Variants in IL1RAPL1 observed in about 807,000 individuals in gnomAD.
IL1RAPL1 encodes interleukin-1 receptor accessory protein-like 1.
A neutral mutation model predicts 48.4 loss-of-function variants in IL1RAPL1; 3 were observed. The observed-to-expected ratio is 0.06, with a 90% CI of 0.03 to 0.16. The LOEUF is 0.16. Ranked by LOEUF, IL1RAPL1 falls within the 10% of genes least tolerant of loss-of-function variation. IL1RAPL1 has a pLI of 1.00. For missense variants in IL1RAPL1, 349 were observed against 530.6 expected (o/e 0.66, Z 3.36); for synonymous variants, 185 against 187.7 (o/e 0.99, Z 0.12).
chrX:29,500,820 T>C (rs1935264917), intron 5 of IL1RAPL1, among the ~76,000 whole-genome samples: 1 of 110,236 alleles, frequency 9.1e-6, no homozygotes, highest in Non-Finnish European at 1.9e-5. Flanking sequence ...TTTTTTCTTT[T>C]GGATATATAC....
At chrX:29,503,750 A>G (rs5926971) in intron 5 of IL1RAPL1, among the ~76,000 whole-genome samples, 50,683 of 109,322 alleles carry the variant, frequency 0.46, 8,660 homozygotes, top group East Asian at 0.71. Context: ...CCTGGGCTCA[A>G]GCAATCCTCT....
At chrX:29,475,846 T>TA (rs1934967834) in intron 5 of IL1RAPL1, among the ~76,000 whole-genome samples, 1 of 111,138 alleles carries the variant, frequency 9.0e-6, no homozygotes, top group East Asian at 2.8e-4. Context: ...TTTTTTTTTT[T>TA]ATGTAGTTTC....
intron 1 of IL1RAPL1, among the ~76,000 whole-genome samples, chrX:28,593,746 G>A (rs1457536369): frequency 1.8e-5 from 2 of 110,913 alleles, no homozygotes; most frequent in African/African-American, 6.5e-5. Context: ...TCAGCATATG[G>A]ATAATCATAA....
chrX:29,516,885 C>T lies in IL1RAPL1; in HGVS notation c.703+117577C>T, dbSNP rs752135190. ...TCTTCAAAAGTGGTGTACCAATTTA[C>T]ATAGCCACAAGCATGTGTTCTCTCA... is the stretch of plus-strand genomic sequence containing the variant. On this transcript the variant is annotated intron_variant, in intron 5 of 10. Coordinates refer to ENST00000378993, the MANE Select transcript of IL1RAPL1 (RefSeq NM_014271.4). Among the ~76,000 whole-genome samples the T allele has an allele frequency of 5.4e-5, 6 of 111,615 alleles. No homozygotes were observed. In the East Asian group the frequency reaches 1.7e-3, roughly 31 times the overall value.
chrX:29,766,480 T>C (rs1166074699), intron 6 of IL1RAPL1, among the ~76,000 whole-genome samples: 1 of 61,019 alleles, frequency 1.6e-5, no homozygotes, highest in African/African-American at 5.2e-5. Context: ...TATATCCAAA[T>C]ATATATATAT....
At chrX:28,588,645 G>A (rs756065882) in intron 1 of IL1RAPL1, among the ~76,000 whole-genome samples, 16 of 111,818 alleles carry the variant, frequency 1.4e-4, no homozygotes, top group Admixed American at 2.8e-4. Context: ...ATTATTAAGC[G>A]CCCTGGGCTA....
At chrX:29,049,365 G>A (rs1041399865) in intron 2 of IL1RAPL1, among the ~76,000 whole-genome samples, 2 of 112,092 alleles carry the variant, frequency 1.8e-5, no homozygotes. Context: ...CAATGAGGTG[G>A]CACAAAAAAC....
rs139204437 is a variant in IL1RAPL1, at chrX:28,749,717, G to A, written c.-24-39603G>A. On this transcript the variant is annotated intron_variant, in intron 1 of 10. Transcript: ENST00000378993. ...TTTTGTAGGTTGTCTCTTCACTCTT[G>A]TTTCTTTGGGTTTGCAAAATCTTTT... Among the ~76,000 whole-genome samples the A allele has an allele frequency of 4.4e-4, 49 of 110,217 alleles. No homozygotes were observed. In the East Asian group the frequency reaches 0.014, roughly 31 times the overall value.
intron 5 of IL1RAPL1, among the ~76,000 whole-genome samples, chrX:29,448,903 C>T (rs999031939): frequency 9.0e-6 from 1 of 111,041 alleles, no homozygotes; most frequent in African/African-American, 3.3e-5. Flanking sequence ...TCTCACATGG[C>T]GGAGAAGGAG....
intron 2 of IL1RAPL1, among the ~76,000 whole-genome samples, chrX:28,843,164 C>T (rs1412738496): frequency 9.0e-6 from 1 of 111,041 alleles, no homozygotes; most frequent in Non-Finnish European, 1.9e-5. Context: ...TCTTAAAGGG[C>T]TTGGCTTAAT....
At position 28,748,358 on chromosome X, in the gene IL1RAPL1, G is replaced by C. The variant is rs184163765; in HGVS notation, c.-24-40962G>C. Among the ~76,000 whole-genome samples the C allele has an allele frequency of 3.4e-3, 383 of 111,625 alleles. 1 individual carries two copies. The highest frequency in any genetic ancestry group is 0.012 in the African/African-American group (365 of 30,792). On this transcript the variant is annotated intron_variant, in intron 1 of 10. Coordinates refer to ENST00000378993, the MANE Select transcript of IL1RAPL1 (RefSeq NM_014271.4). ...AAGTAGCACCTTATTTCTCTTTCTT[G>C]CATTTGGGTTTGCCCATTTTTAAAA...
In IL1RAPL1 at chrX:29,244,349, T is replaced by A. The variant is rs1442509137; in HGVS notation, c.83-38589T>A. On this transcript the variant is annotated intron_variant, in intron 2 of 10. Transcript: ENST00000378993. ...CTTAAAACTTGAGTCTCAAAGCACT[T>A]GAACAAAGTAACTATTTGGAAAAAG... Among the ~76,000 whole-genome samples, 14 of 112,258 alleles carry A rather than the reference T, an allele frequency of 1.2e-4. No homozygotes were observed. The Admixed American group carries it at 1.3e-3, about 11-fold the overall frequency.
In IL1RAPL1 at chrX:29,535,134, C is replaced by CAAAAAAAAAA. The variant is rs35842937; in HGVS notation, c.704-133277_704-133268dup. ...GGGCAATGGAGTCAGACTCTGTCTCCAAAAAAAAAAAAAAAAAAAAAAAAA... is the reference window on the plus strand; with the variant it reads ...GGGCAATGGAGTCAGACTCTGTCTCCAAAAAAAAAAAAAAAAAAAAAAAAAAAAAAAAAAA... On this transcript the variant is annotated intron_variant, in intron 5 of 10. Coordinates refer to ENST00000378993, the MANE Select transcript of IL1RAPL1 (RefSeq NM_014271.4). 1.3e-4 allele frequency among the ~76,000 whole-genome samples: 3 copies of CAAAAAAAAAA among 22,583 alleles called. 1 individual carries two copies. The highest frequency in any genetic ancestry group is 1.9e-4 in the African/African-American group (1 of 5,150). The allele number at this position is 22,583 out of a possible 115,157, so 19.6% of individuals were successfully genotyped here. A position where few individuals can be genotyped will look rare whatever the true frequency, so the allele number is the denominator to read the frequency against.
At chrX:29,455,277 G>T (rs1934726819) in intron 5 of IL1RAPL1, among the ~76,000 whole-genome samples, 1 of 111,726 alleles carries the variant, frequency 9.0e-6, no homozygotes, top group South Asian at 3.7e-4. Flanking sequence ...AGAGACCAGA[G>T]ATTTTTTTCT....
chrX:29,026,030 A>T (rs905672332), intron 2 of IL1RAPL1, among the ~76,000 whole-genome samples: 1 of 111,825 alleles, frequency 8.9e-6, no homozygotes, highest in Non-Finnish European at 1.9e-5. Flanking sequence ...CATACTAGGA[A>T]GTCCCTGGAA....
chrX:28,847,170 C>T (rs2147294928), intron 2 of IL1RAPL1, among the ~76,000 whole-genome samples: 1 of 111,033 alleles, frequency 9.0e-6, no homozygotes, highest in South Asian at 3.9e-4. Context: ...AACCTTCATT[C>T]CTTTTAGCTC....
intron 2 of IL1RAPL1, among the ~76,000 whole-genome samples, chrX:29,126,722 C>T (rs894474040): frequency 1.2e-4 from 13 of 112,140 alleles, no homozygotes; most frequent in African/African-American, 3.9e-4. Context: ...CATCAGTCAC[C>T]TGTGAATTTA....
intron 2 of IL1RAPL1, among the ~76,000 whole-genome samples, chrX:29,026,074 C>T (rs1926479651): frequency 8.9e-6 from 1 of 111,880 alleles, no homozygotes; most frequent in Non-Finnish European, 1.9e-5. Context: ...TTTGCCTTTA[C>T]TAAGGGAAAG....
chrX:29,432,344 C>T (rs1203007502), intron 5 of IL1RAPL1, among the ~76,000 whole-genome samples: 1 of 111,377 alleles, frequency 9.0e-6, no homozygotes, highest in Non-Finnish European at 1.9e-5. Context: ...TGGGAGCTAG[C>T]CCTTTGAAAT....
Sources: gnomAD v4.1 joint callset for allele counts (sites outside exome capture counted in the v4.1 genomes callset) on GRCh38, gnomAD v4.1.1 for gene constraint, MANE v1.5 for transcripts, NCBI Gene and HGNC (gene_info 2026-07-23, HGNC 2026-07-21) for gene names.